Variants in PLXNA1 observed in about 807,000 individuals in gnomAD.
PLXNA1 encodes plexin-A1.
A neutral mutation model predicts 191.7 loss-of-function variants in PLXNA1; 77 were observed. The observed-to-expected ratio is 0.40, with a 90% CI of 0.33 to 0.49. The LOEUF is 0.49. PLXNA1 is among the 20% of genes least tolerant of loss of function. The probability of loss-of-function intolerance (pLI) is 0.63; values close to 1 mark genes in which losing one functional copy is unlikely to be tolerated. For missense variants in PLXNA1, 2,110 were observed against 2,660.2 expected (o/e 0.79, Z 4.55); for synonymous variants, 1,137 against 1,156.4 (o/e 0.98, Z 0.34).
chr3:127,031,026 T>A (rs915979421), intron 29 of PLXNA1, among the ~76,000 whole-genome samples: 1 of 152,148 alleles, frequency 6.6e-6, no homozygotes, highest in Admixed American at 6.5e-5. Flanking sequence ...GTGGCCTCCC[T>A]CCAGAGTATC....
At position 127,016,595 on chromosome 3, in the gene PLXNA1, C is replaced by T. The variant is rs767318179; in HGVS notation, c.3093C>T (p.Asn1031=). The change falls in exon 16 of 32, where the codon AAC becomes AAT. Residue 1031 remains asparagine, a synonymous_variant. Coordinates refer to ENST00000393409, the MANE Select transcript of PLXNA1 (RefSeq NM_032242.4). ...GCGCTCCCATCATCATCAACATCAA[C>T]CGCGCCCAGCTCACCAACCCTGAGG... ...PGSAPIIINI[N]RAQLTNPEVK... The T allele has an allele frequency of 1.2e-5, 20 of 1,613,906 alleles. No individual in the cohort carries two copies. The highest frequency in any genetic ancestry group is 1.6e-5 in the Non-Finnish European group (19 of 1,179,968).
Position 127,027,946 on chromosome 3 carries a change from G to T in PLXNA1, c.4369G>T (p.Ala1457Ser). 6.2e-7 allele frequency: 1 copy of T among 1,613,422 alleles called. No homozygotes were observed. The highest frequency in any genetic ancestry group is 8.5e-7 in the Non-Finnish European group (1 of 1,179,968). The change falls in exon 24 of 32, where the codon GCT becomes TCT. Residue 1457 changes from alanine (A) to serine (S), a missense_variant. This residue lies in a region of PLXNA1 where 559 missense variants were observed against 911.5 expected (regional missense o/e 0.61). Transcript: ENST00000393409. ...CATGCCGCCACCCCCGCAGGAGTGC[G>T]CTGGGGAGCCGCTGTTCATGCTGTA... ...FLLYKFLKECAGEPLFMLYCA... is the reference protein window; with the variant it reads ...FLLYKFLKECSGEPLFMLYCA...
chr3:127,032,340 G>C, intron 29 of PLXNA1, 47 bp from the exon 30 acceptor site: 12 of 1,568,932 alleles, frequency 7.6e-6, no homozygotes, highest in Non-Finnish European at 1.0e-5. Flanking sequence ...CACTGCTCAG[G>C]AGGGAGCAGA....
At position 127,016,673 on chromosome 3, in the gene PLXNA1, G is replaced by T; in HGVS notation, c.3171G>T (p.Trp1057Cys). Residue 1057 changes from tryptophan to cysteine, a missense_variant, in exon 16 of 32, where the codon TGG becomes TGT. Physicochemically the swap from Trp to Cys is radical, Grantham distance 215 (BLOSUM62 -2). Around this residue, in one of 4 missense-constraint regions of PLXNA1, gnomAD observed 644 missense variants for 714.3 expected, o/e 0.90. Transcript: ENST00000393409. Reference protein sequence around the residue: ...DPTILRIDPEWSINSGGTLLT... With the variant: ...DPTILRIDPECSINSGGTLLT... ...CCATCCTGAGGATCGACCCCGAGTG[G>T]AGCATCAACAGGTGGGGCCCAGCAA... 1.2e-6 allele frequency: 2 copies of T among 1,613,960 alleles called. No homozygotes were observed. The highest frequency in any genetic ancestry group is 1.7e-6 in the Non-Finnish European group (2 of 1,179,950).
intron 1 of PLXNA1, among the ~76,000 whole-genome samples, chr3:126,985,292 A>C (rs2078952792): frequency 6.6e-6 from 1 of 152,020 alleles, no homozygotes; most frequent in South Asian, 2.1e-4. Flanking sequence ...GGGCTCCTGC[A>C]CGCAGACCGC....
intron 23 of PLXNA1, chr3:127,027,680 ACTACTGCGCCT>A: frequency 1.6e-6 from 1 of 635,576 alleles, no homozygotes; most frequent in Non-Finnish European, 2.9e-6. Context: ...TCCTCGATAC[ACTACTGCGCCT>A]CCTGGCTCAT....
chr3:126,989,928 G>A (rs1421948039), intron 2 of PLXNA1, 141 bp downstream of exon 2: 5 of 728,038 alleles, frequency 6.9e-6, no homozygotes. Flanking sequence ...GCTCAGCTAG[G>A]TGGGGCTGCC....
chr3:127,021,287 T>C (rs1439239874), intron 21 of PLXNA1, among the ~76,000 whole-genome samples: 2 of 152,206 alleles, frequency 1.3e-5, no homozygotes, highest in Admixed American at 6.5e-5. Context: ...CCATTTGCTG[T>C]GTCTGTCACA....
chr3:127,009,900 G>C (rs1255450566), intron 9 of PLXNA1, among the ~76,000 whole-genome samples: 1 of 152,240 alleles, frequency 6.6e-6, no homozygotes, highest in Non-Finnish European at 1.5e-5. Context: ...CATGAGACAC[G>C]CTGAGAAGTC....
chr3:127,015,935 G>T (rs1387958763), intron 15 of PLXNA1, among the ~76,000 whole-genome samples: 1 of 152,172 alleles, frequency 6.6e-6, no homozygotes, highest in Admixed American at 6.5e-5. Context: ...GGGATAGGGC[G>T]AGGTATTCCC....
intron 1 of PLXNA1, among the ~76,000 whole-genome samples, chr3:126,984,711 G>A (rs999925816): frequency 1.3e-5 from 2 of 152,210 alleles, no homozygotes; most frequent in Non-Finnish European, 2.9e-5. Context: ...TGTGCTCTGG[G>A]GGTGGGGGAC....
At chr3:127,006,838 T>TG (rs2079070941) in intron 8 of PLXNA1, among the ~76,000 whole-genome samples, 1 of 152,102 alleles carries the variant, frequency 6.6e-6, no homozygotes, top group Non-Finnish European at 1.5e-5. Context: ...TGGGAGGATC[T>TG]GGGGGCCTCC....
Position 127,012,159 on chromosome 3 carries a change from G to T in PLXNA1, c.2313+1G>T, listed in dbSNP as rs1257937781. The T allele has an allele frequency of 6.2e-7, 1 of 1,610,654 alleles. No homozygotes were observed. On this transcript the variant is annotated splice_donor_variant, in intron 10 of 31. Transcript: ENST00000393409. LOFTEE classifies it high-confidence loss of function. ...CAGCCTGCAGTGCCAGAATTCCTCGGTGAGGTGGCCAGGGCAGGGGCTGGG... is the reference window on the plus strand; with the variant it reads ...CAGCCTGCAGTGCCAGAATTCCTCGTTGAGGTGGCCAGGGCAGGGGCTGGG...
intron 27 of PLXNA1, 78 bp from the exon 28 acceptor site, chr3:127,029,796 C>T: frequency 6.9e-7 from 1 of 1,452,754 alleles, no homozygotes; most frequent in Non-Finnish European, 9.2e-7. Flanking sequence ...CCATCCCCAG[C>T]TTTCAGATGG....
At chr3:127,010,915 A>G (rs957898195) in intron 9 of PLXNA1, among the ~76,000 whole-genome samples, 3 of 152,116 alleles carry the variant, frequency 2.0e-5, no homozygotes, top group Non-Finnish European at 4.4e-5. Flanking sequence ...CAGACTGACC[A>G]TTCTCGGGCG....
chr3:127,033,326 G>A (rs1663031340), intron 31 of PLXNA1, among the ~76,000 whole-genome samples: 2 of 152,236 alleles, frequency 1.3e-5, no homozygotes, highest in Admixed American at 6.5e-5. Flanking sequence ...ATGGGAGCAC[G>A]GGGCCAGAGG....
At position 127,006,107 on chromosome 3, in the gene PLXNA1, A is replaced by G. The variant is rs1386013595; in HGVS notation, c.1926A>G (p.Leu642=). 5 of 1,613,836 alleles carry G rather than the reference A, an allele frequency of 3.1e-6. No individual in the cohort carries two copies. The South Asian group carries it at 3.3e-5, about 11-fold the overall frequency. ...QGDQRVVKLY[L]KSKETGKKFA... ...ACCAGCGGGTGGTGAAACTCTACCT[A>G]AAGTCCAAGGAGACAGGGAAGAAGT... Residue 642 remains leucine, a synonymous_variant, in exon 8 of 32, where the codon CTA becomes CTG. Coordinates refer to ENST00000393409, the MANE Select transcript of PLXNA1 (RefSeq NM_032242.4).
rs1042702494 is a variant in PLXNA1 at position 127,034,701 on chromosome 3, T to C, written c.*684T>C. ...GCTCTGCTCCCTCCTATGGAGGGGC[T>C]GTGGGCCAGGCTGCTCAGACTCCTG... On this transcript the variant is annotated 3_prime_UTR_variant, in exon 32 of 32. Transcript: ENST00000393409. 2 of 152,706 alleles carry C rather than the reference T, an allele frequency of 1.3e-5. No homozygotes were observed. Among genetic ancestry groups the C allele is most frequent in the Non-Finnish European group, 1.5e-5 (1 of 68,084 alleles). 9.5% of individuals were successfully genotyped at this position (152,706 alleles called of 1,614,324 possible). A position where few individuals can be genotyped will look rare whatever the true frequency, so the allele number is the denominator to read the frequency against.
At chr3:127,011,539 A>G (rs935183678) in intron 9 of PLXNA1, among the ~76,000 whole-genome samples, 1 of 152,142 alleles carries the variant, frequency 6.6e-6, no homozygotes, top group Admixed American at 6.5e-5. Context: ...CCATTGCATC[A>G]GTTATTGTTG....
Sources: gnomAD v4.1 joint callset for allele counts (sites outside exome capture counted in the v4.1 genomes callset) on GRCh38, gnomAD v4.1.1 for gene constraint, gnomAD v4.1.1 regional missense constraint, MANE v1.5 for transcripts, NCBI Gene and HGNC (gene_info 2026-07-23, HGNC 2026-07-21) for gene names.